CNIH3: variants seen among roughly 807,000 people sequenced by gnomAD.
The protein encoded by CNIH3 is protein cornichon homolog 3.
CNIH3 carries 14 observed loss-of-function variants against 24.1 expected under a neutral mutation model. The observed-to-expected ratio is 0.58, with a 90% confidence interval of 0.38 to 0.91. The LOEUF is 0.91. Among genes scored for constraint, CNIH3 ranks in the 40% least tolerant of loss-of-function variants. The pLI, the probability that CNIH3 is intolerant of heterozygous loss-of-function variation, is 0.00. For missense variants in CNIH3, 178 were observed against 196.8 expected (o/e 0.90, Z 0.57); for synonymous variants, 68 against 73.8 (o/e 0.92, Z 0.40).
intron 1 of CNIH3, among the ~76,000 whole-genome samples, chr1:224,633,462 A>G (rs1265749224): frequency 6.6e-6 from 1 of 152,164 alleles, no homozygotes; most frequent in Admixed American, 6.5e-5. Context: ...CCTGGCAGTT[A>G]AGATTCTTAG....
chr1:224,616,929 C>T lies in CNIH3; in HGVS notation c.-246C>T. ...TCTTCGATTTGCGGACGGTTCCCTC[C>T]AGCGACTCTCGACACACGTTTTCCT... On this transcript the variant is annotated 5_prime_UTR_variant, in exon 1 of 6. Transcript: ENST00000272133. The T allele has an allele frequency of 1.5e-6, 2 of 1,344,778 alleles. No individual in the cohort carries two copies. Among genetic ancestry groups the T allele is most frequent in the Non-Finnish European group, 9.5e-7 (1 of 1,053,204 alleles). 83.3% of individuals were successfully genotyped at this position (1,344,778 alleles called of 1,614,324 possible). A position where few individuals can be genotyped will look rare whatever the true frequency, so the allele number is the denominator to read the frequency against.
At chr1:224,628,204 G>C (rs1683637705) in intron 1 of CNIH3, among the ~76,000 whole-genome samples, 1 of 152,064 alleles carries the variant, frequency 6.6e-6, no homozygotes, top group Non-Finnish European at 1.5e-5. Flanking sequence ...GAGAGCAAAA[G>C]GGATCTCACC....
intron 1 of CNIH3, among the ~76,000 whole-genome samples, chr1:224,517,908 C>G (rs7544873): frequency 6.6e-6 from 1 of 152,068 alleles, no homozygotes; most frequent in Non-Finnish European, 1.5e-5. Flanking sequence ...TGTGCTGGGC[C>G]TTGGGAATGA....
chr1:224,621,557 C>T (rs1002357870), intron 1 of CNIH3, among the ~76,000 whole-genome samples: 7 of 152,186 alleles, frequency 4.6e-5, no homozygotes, highest in Non-Finnish European at 7.3e-5. Flanking sequence ...ATCTCACTTT[C>T]AGGTGGGATG....
intron 1 of CNIH3, among the ~76,000 whole-genome samples, chr1:224,631,342 C>T (rs1683811558): frequency 6.6e-6 from 1 of 152,170 alleles, no homozygotes; most frequent in Non-Finnish European, 1.5e-5. Context: ...CATTCATATT[C>T]TTTCAAGGTT....
At chr1:224,624,642 A>G (rs921209526) in intron 1 of CNIH3, among the ~76,000 whole-genome samples, 12 of 152,006 alleles carry the variant, frequency 7.9e-5, no homozygotes, top group Admixed American at 6.6e-4. Context: ...GTCCCTTCCA[A>G]GCTGGCCTCC....
chr1:224,628,086 A>G (rs1341559642), intron 1 of CNIH3, among the ~76,000 whole-genome samples: 1 of 151,836 alleles, frequency 6.6e-6, no homozygotes, highest in Non-Finnish European at 1.5e-5. Flanking sequence ...ATTGTTTAAT[A>G]GTCTAGCCCA....
chr1:224,560,096 C>T (rs530375067), intron 3 of CNIH3, among the ~76,000 whole-genome samples: 2 of 152,102 alleles, frequency 1.3e-5, no homozygotes, highest in Non-Finnish European at 2.9e-5. Context: ...CTATGGTATG[C>T]CATAGAATGA....
At chr1:224,529,565 A>C (rs1009590757) in intron 2 of CNIH3, 3 of 152,200 alleles carry the variant, frequency 2.0e-5, no homozygotes, top group African/African-American at 4.8e-5. Flanking sequence ...GAATGACCAG[A>C]AGGACCTATA....
At chr1:224,709,685 T>A (rs1370943894) in intron 3 of CNIH3, among the ~76,000 whole-genome samples, 1 of 152,150 alleles carries the variant, frequency 6.6e-6, no homozygotes, top group East Asian at 1.9e-4. Context: ...GCCACAGGCT[T>A]CCTCCCTAAT....
chr1:224,594,169 A>AAAAC (rs1213202158), intron 3 of CNIH3, among the ~76,000 whole-genome samples: 3 of 152,216 alleles, frequency 2.0e-5, no homozygotes, highest in Non-Finnish European at 4.4e-5. Context: ...TTGCCACAAT[A>AAAAC]AAACAAAACA....
intron 1 of CNIH3, among the ~76,000 whole-genome samples, chr1:224,653,161 G>A (rs964377995): frequency 3.3e-5 from 5 of 152,164 alleles, no homozygotes; most frequent in African/African-American, 1.2e-4. Context: ...AGTGGCTCAT[G>A]CCTGTAATCC....
In CNIH3 at chr1:224,739,580, C is replaced by T; in HGVS notation, c.*224C>T. The T allele has an allele frequency of 1.3e-6, 1 of 773,368 alleles. No homozygotes were observed. The highest frequency in any genetic ancestry group is 2.0e-6 in the Non-Finnish European group (1 of 492,984). 47.9% of individuals were successfully genotyped at this position (773,368 alleles called of 1,614,324 possible). Reference sequence around the variant, plus strand: ...TTGTCAATCTTTGGCATTCGAATTCCACACACGGGGTCCTAGAGCCCTTCT... The same window carrying T: ...TTGTCAATCTTTGGCATTCGAATTCTACACACGGGGTCCTAGAGCCCTTCT... On this transcript the variant is annotated 3_prime_UTR_variant, in exon 6 of 6. Transcript: ENST00000272133.
In CNIH3 at chr1:224,740,277, A is replaced by G. The variant is rs1009282808; in HGVS notation, c.*921A>G. 3 of 152,178 alleles carry G rather than the reference A, an allele frequency of 2.0e-5. No homozygotes were observed. The highest frequency in any genetic ancestry group is 4.4e-5 in the Non-Finnish European group (3 of 68,046). The allele number at this position is 152,178 out of a possible 1,614,324, so 9.4% of individuals were successfully genotyped here. ...CTGTTTAGGTCGACGTGAGGACATCATCTTATTTAGAATTTTCCGTTTGGC... is the reference window on the plus strand; with the variant it reads ...CTGTTTAGGTCGACGTGAGGACATCGTCTTATTTAGAATTTTCCGTTTGGC... On this transcript the variant is annotated 3_prime_UTR_variant, in exon 6 of 6. Coordinates refer to ENST00000272133, the MANE Select transcript of CNIH3 (RefSeq NM_152495.2).
chr1:224,485,279 G>C (rs544958308), intron 1 of CNIH3, among the ~76,000 whole-genome samples: 5 of 152,264 alleles, frequency 3.3e-5, no homozygotes, highest in African/African-American at 1.2e-4. Flanking sequence ...GTTTTAACAG[G>C]AAGATCTTTC....
intron 1 of CNIH3, among the ~76,000 whole-genome samples, chr1:224,644,832 A>G (rs1295701919): frequency 6.6e-6 from 1 of 152,232 alleles, no homozygotes; most frequent in African/African-American, 2.4e-5. Context: ...GGCAAATGCC[A>G]GTGCTGGAAA....
chr1:224,627,613 G>T (rs967237403), intron 1 of CNIH3, among the ~76,000 whole-genome samples: 15 of 152,210 alleles, frequency 9.9e-5, no homozygotes, highest in Admixed American at 5.2e-4. Context: ...GGCTAGGATG[G>T]TATGTCTGGC....
intron 1 of CNIH3, among the ~76,000 whole-genome samples, chr1:224,637,698 G>T (rs1684163497): frequency 1.3e-5 from 2 of 152,234 alleles, no homozygotes; most frequent in African/African-American, 4.8e-5. Flanking sequence ...CAAGTGGCCA[G>T]TTGCGGTCTT....
intron 1 of CNIH3, among the ~76,000 whole-genome samples, chr1:224,440,662 G>A (rs1273985244): frequency 2.0e-5 from 3 of 152,160 alleles, no homozygotes; most frequent in African/African-American, 7.2e-5. Context: ...ATAAATTTAT[G>A]TATATATGCA....
Sources: gnomAD v4.1 joint callset for allele counts (sites outside exome capture counted in the v4.1 genomes callset) on GRCh38, gnomAD v4.1.1 for gene constraint, MANE v1.5 for transcripts, NCBI Gene and HGNC (gene_info 2026-07-23, HGNC 2026-07-21) for gene names.